Variants in CDK13 observed in about 807,000 individuals in gnomAD.
The protein encoded by CDK13 is cyclin dependent kinase 13, also known as cyclin-dependent kinase 13.
CDK13 carries 40 observed loss-of-function variants against 137.6 expected under a neutral mutation model. The observed-to-expected ratio is 0.29, with a 90% CI of 0.23 to 0.38. CDK13 has a LOEUF of 0.38. Ranked by LOEUF, CDK13 falls within the 10% of genes least tolerant of loss-of-function variation. The pLI, the probability that CDK13 is intolerant of heterozygous loss-of-function variation, is 1.00. For missense variants in CDK13, 1,704 were observed against 1,951.8 expected (o/e 0.87, Z 2.39); for synonymous variants, 869 against 760.1 (o/e 1.14, Z -2.36).
chr7:39,988,797 T>C (rs1784395120), intron 2 of CDK13, among the ~76,000 whole-genome samples: 1 of 152,028 alleles, frequency 6.6e-6, no homozygotes, highest in African/African-American at 2.4e-5. Context: ...AAACTCATAA[T>C]GTGGCCAGGC....
At chr7:39,977,540 A>C (rs1784136420) in intron 1 of CDK13, among the ~76,000 whole-genome samples, 1 of 152,208 alleles carries the variant, frequency 6.6e-6, no homozygotes, top group African/African-American at 2.4e-5. Flanking sequence ...GGGCTTTATA[A>C]AGGTGGTAAA....
chr7:40,042,667 CG>C (rs59155460), intron 5 of CDK13, among the ~76,000 whole-genome samples: 21,311 of 149,224 alleles, frequency 0.14, 5,016 homozygotes, highest in African/African-American at 0.49. Flanking sequence ...TTAGCAGAGA[CG>C]GGGTTTTACC....
intron 7 of CDK13, among the ~76,000 whole-genome samples, chr7:40,058,492 C>T (rs1367859926): frequency 6.8e-6 from 1 of 147,196 alleles, no homozygotes; most frequent in Non-Finnish European, 1.5e-5. Flanking sequence ...CAAGATTGCA[C>T]CACTGAATTC....
At chr7:39,994,859 T>C (rs1259498111) in intron 2 of CDK13, among the ~76,000 whole-genome samples, 1 of 152,134 alleles carries the variant, frequency 6.6e-6, no homozygotes. Flanking sequence ...GGCAGTTCTT[T>C]TGCCGTTATT....
intron 11 of CDK13, among the ~76,000 whole-genome samples, chr7:40,081,042 GTTTA>G (rs1348762907): frequency 6.6e-6 from 1 of 151,968 alleles, no homozygotes; most frequent in East Asian, 1.9e-4. Flanking sequence ...TCAGCATTCT[GTTTA>G]TTTGTTATGT....
chr7:40,062,738 G>A, intron 7 of CDK13, 88 bp from the exon 8 acceptor site: 3 of 921,794 alleles, frequency 3.3e-6, no homozygotes, highest in Non-Finnish European at 5.3e-6. Flanking sequence ...GGATTATAGG[G>A]ATTGCTTTAG....
In CDK13 at chr7:40,043,687, TGTG is replaced by T. The variant is rs370103353; in HGVS notation, c.2354-2141_2354-2139del. Among the ~76,000 whole-genome samples the T allele has an allele frequency of 5.5e-4, 84 of 151,908 alleles. 1 individual carries two copies. Among genetic ancestry groups the T allele is most frequent in the African/African-American group, 1.9e-3 (80 of 41,458 alleles). ...AAAACAAACAGAAAAATTAGCCAGA[TGTG>T]GTGGTGGGAGCCCATGACCCCAACT... On this transcript the variant is annotated intron_variant, in intron 5 of 13. Coordinates refer to ENST00000181839, the MANE Select transcript of CDK13 (RefSeq NM_003718.5).
Position 40,036,173 on chromosome 7 carries a change from TACACAC to T in CDK13, c.2354-9643_2354-9638del, listed in dbSNP as rs70996875. ...CCTGTCTCAAAATAAATAAATAAAT[TACACAC>T]ACACACACACACACACACATATAAA... is the stretch of plus-strand genomic sequence containing the variant. On this transcript the variant is annotated intron_variant, in intron 5 of 13. Coordinates refer to ENST00000181839, the MANE Select transcript of CDK13 (RefSeq NM_003718.5). Among the ~76,000 whole-genome samples, 82 of 149,144 alleles carry T rather than the reference TACACAC, an allele frequency of 5.5e-4. No individual in the cohort carries two copies. The Middle Eastern group carries it at 0.01, about 19-fold the overall frequency.
chr7:39,977,167 G>A (rs1315533831), intron 1 of CDK13, among the ~76,000 whole-genome samples: 11 of 152,112 alleles, frequency 7.2e-5, no homozygotes, highest in Admixed American at 7.2e-4. Context: ...AGAAGATGGA[G>A]GGCAAGATGA....
intron 5 of CDK13, among the ~76,000 whole-genome samples, chr7:40,018,294 G>A (rs1583994723): frequency 6.6e-6 from 1 of 152,094 alleles, no homozygotes; most frequent in East Asian, 1.9e-4. Flanking sequence ...AGAACCTGGT[G>A]TGTGCTAAAT....
At chr7:39,999,278 G>A (rs1759053828) in intron 3 of CDK13, 83 bp from the exon 4 acceptor site, 1 of 1,086,030 alleles carries the variant, frequency 9.2e-7, no homozygotes, top group Non-Finnish European at 1.3e-6. Context: ...TATACAATTG[G>A]GTGGCGAGTA....
chr7:40,030,703 AT>A (rs61676370), intron 5 of CDK13, among the ~76,000 whole-genome samples: 24 of 148,428 alleles, frequency 1.6e-4, no homozygotes, highest in African/African-American at 2.9e-4. Context: ...GCTGTCACTG[AT>A]TTTTTTTTTT....
chr7:40,002,631 T>TA (rs1311729567), intron 5 of CDK13, among the ~76,000 whole-genome samples: 1 of 152,202 alleles, frequency 6.6e-6, no homozygotes, highest in Non-Finnish European at 1.5e-5. Flanking sequence ...TAAATCTTCA[T>TA]AAAATCTTAA....
At chr7:39,978,728 G>A (rs1372748899) in intron 1 of CDK13, among the ~76,000 whole-genome samples, 4 of 152,170 alleles carry the variant, frequency 2.6e-5, no homozygotes, top group Non-Finnish European at 5.9e-5. Flanking sequence ...GGTCTGGGCT[G>A]GAGTCTGAGA....
At chr7:40,027,625 G>GGAT in intron 5 of CDK13, among the ~76,000 whole-genome samples, 1 of 136,340 alleles carries the variant, frequency 7.3e-6, no homozygotes, top group Admixed American at 7.3e-5. Context: ...CCCACCACTG[G>GGAT]TTTACCTTAC....
At chr7:40,069,570 A>G (rs561154235) in intron 9 of CDK13, 1 of 287,640 alleles carries the variant, frequency 3.5e-6, no homozygotes, top group South Asian at 3.5e-5. Context: ...CACCTTATTT[A>G]CAGTAATGCT....
intron 1 of CDK13, among the ~76,000 whole-genome samples, chr7:39,957,898 AT>A (rs1449806576): frequency 3.9e-5 from 6 of 151,968 alleles, no homozygotes; most frequent in African/African-American, 1.4e-4. Flanking sequence ...TTTTTCCTTT[AT>A]TTTGGACTTT....
chr7:40,077,290 A>G (rs923077852), intron 9 of CDK13, among the ~76,000 whole-genome samples: 1 of 152,150 alleles, frequency 6.6e-6, no homozygotes, highest in Non-Finnish European at 1.5e-5. Context: ...TTCTGCTATT[A>G]TTGTAGACTG....
At position 39,987,826 on chromosome 7, in the gene CDK13, C is replaced by G. The variant is rs758595944; in HGVS notation, c.1439C>G (p.Ala480Gly). The stretch of plus-strand genomic sequence containing the variant: ...AAAGCTGCAGAAGCAACTAAGGCTG[C>G]TGAGGCTGCTGCCAAGGCTGCAAAA... ...AAKAAEATKA[A>G]EAAAKAAKAS... The change falls in exon 2 of 14, where the codon GCT becomes GGT. Residue 480 changes from alanine (A) to glycine (G), a missense_variant. Ala to Gly is a moderately conservative substitution (Grantham distance 60, BLOSUM62 0). Coordinates refer to ENST00000181839, the MANE Select transcript of CDK13 (RefSeq NM_003718.5). The G allele has an allele frequency of 6.2e-7, 1 of 1,614,034 alleles. No individual in the cohort carries two copies. Among genetic ancestry groups the G allele is most frequent in the African/African-American group, 1.3e-5 (1 of 74,942 alleles).
Sources: allele counts gnomAD v4.1 joint callset (sites outside exome capture counted in the v4.1 genomes callset), GRCh38; gene constraint gnomAD v4.1.1; transcripts MANE v1.5; gene names NCBI Gene and HGNC (gene_info 2026-07-23, HGNC 2026-07-21).